The following FMN1 variants were observed in gnomAD, a reference collection of about 807,000 sequenced individuals.
FMN1 encodes the protein formin-1.
FMN1 carries 110 observed loss-of-function variants against 132.4 expected under a neutral mutation model. The observed-to-expected ratio is 0.83, with a 90% CI of 0.71 to 0.97. The LOEUF is 0.97. Ranked by LOEUF, FMN1 falls within the 50% of genes least tolerant of loss-of-function variation. The pLI, the probability that FMN1 is intolerant of heterozygous loss-of-function variation, is 0.00. For synonymous variants in FMN1, 722 were observed against 651.7 expected, an observed-to-expected ratio of 1.11 and a Z score of -1.64; for missense variants, 1,792 against 1,705.3, an observed-to-expected ratio of 1.05 and a Z score of -0.90.
At chr15:33,150,956 G>C (rs998357669) in intron 4 of FMN1, 1 of 1,057,208 alleles carries the variant, frequency 9.5e-7, no homozygotes. Flanking sequence ...CCTCTTCTGG[G>C]TTTAGGTGGG....
intron 4 of FMN1, among the ~76,000 whole-genome samples, chr15:33,110,070 A>T (rs1422227197): frequency 1.3e-5 from 2 of 152,070 alleles, no homozygotes; most frequent in Non-Finnish European, 2.9e-5. Context: ...TTGGAGAAAC[A>T]ATTTGGTAAT....
At chr15:33,009,180 G>A (rs556361387) in intron 6 of FMN1, among the ~76,000 whole-genome samples, 7 of 152,142 alleles carry the variant, frequency 4.6e-5, no homozygotes, top group African/African-American at 9.6e-5. Flanking sequence ...ATCATACCTC[G>A]AATGGTCTGG....
chr15:33,180,689 A>G (rs1286127921), intron 2 of FMN1, among the ~76,000 whole-genome samples: 1 of 149,850 alleles, frequency 6.7e-6, no homozygotes, highest in Non-Finnish European at 1.5e-5. Flanking sequence ...ATCTGGCCAC[A>G]TCGTGCCTCA....
chr15:32,899,839 A>G, intron 14 of FMN1, 140 bp downstream of exon 14: 2 of 880,662 alleles, frequency 2.3e-6, no homozygotes, highest in Non-Finnish European at 3.5e-6. Context: ...AAAGCAAACA[A>G]AAAAATGCAT....
intron 4 of FMN1, among the ~76,000 whole-genome samples, chr15:33,095,275 G>T (rs373917992): frequency 2.6e-5 from 4 of 152,154 alleles, no homozygotes; most frequent in African/African-American, 7.2e-5. Flanking sequence ...TTGAACCCGG[G>T]AGGCAGAGGT....
intron 6 of FMN1, among the ~76,000 whole-genome samples, chr15:33,009,923 G>A (rs866447542): frequency 1.1e-4 from 12 of 106,980 alleles, no homozygotes; most frequent in East Asian, 6.2e-4. Context: ...AGTTTCACTC[G>A]TTTCCCAGGC....
intron 6 of FMN1, among the ~76,000 whole-genome samples, chr15:33,030,896 A>G (rs2035905747): frequency 6.6e-6 from 1 of 152,110 alleles, no homozygotes; most frequent in East Asian, 1.9e-4. Flanking sequence ...ATAGGTATAC[A>G]CGTGCCATGG....
intron 9 of FMN1, among the ~76,000 whole-genome samples, chr15:32,947,719 G>A (rs549958895): frequency 3.3e-5 from 5 of 151,944 alleles, no homozygotes; most frequent in South Asian, 2.1e-4. Flanking sequence ...ACACTGACTC[G>A]ACCATATTTG....
chr15:33,003,595 T>C lies in FMN1; in HGVS notation c.2223+4419A>G, dbSNP rs150371157. ...TTCTATGCTCATGGGTAAGAATCAA[T>C]ATCGTGAAAATGGCCATACTGCCCA... is the stretch of plus-strand genomic sequence containing the variant. On this transcript the variant is annotated intron_variant, in intron 7 of 20. Transcript: ENST00000616417. Among the ~76,000 whole-genome samples the C allele has an allele frequency of 1.2e-3, 176 of 152,260 alleles. 1 individual carries two copies. In the South Asian group the frequency reaches 0.019, roughly 17 times the overall value.
intron 15 of FMN1, among the ~76,000 whole-genome samples, chr15:32,891,797 T>C (rs1031220019): frequency 6.6e-6 from 1 of 152,174 alleles, no homozygotes; most frequent in Admixed American, 6.5e-5. Context: ...CACATATATA[T>C]ATATGTATAT....
intron 9 of FMN1, among the ~76,000 whole-genome samples, chr15:32,951,143 A>C (rs1258732412): frequency 6.6e-6 from 1 of 152,186 alleles, no homozygotes; most frequent in African/African-American, 2.4e-5. Flanking sequence ...CATTACCAAA[A>C]TCGGTCATTC....
At chr15:32,907,928 G>C (rs928288562) in intron 12 of FMN1, among the ~76,000 whole-genome samples, 18 of 152,048 alleles carry the variant, frequency 1.2e-4, no homozygotes, top group Non-Finnish European at 2.4e-4. Context: ...GGTCTTCAAA[G>C]CCTATGGAAC....
intron 16 of FMN1, among the ~76,000 whole-genome samples, chr15:32,885,868 T>C (rs1378466595): frequency 1.3e-5 from 2 of 152,088 alleles, no homozygotes; most frequent in Admixed American, 1.3e-4. Flanking sequence ...CTTCTTGAAA[T>C]TTGCTAATCA....
intron 4 of FMN1, among the ~76,000 whole-genome samples, chr15:33,127,578 G>A (rs10519796): frequency 0.032 from 4,807 of 152,248 alleles, 248 homozygotes; most frequent in African/African-American, 0.11. Context: ...AAACCAGTCT[G>A]TAAGCATCCT....
intron 9 of FMN1, among the ~76,000 whole-genome samples, chr15:32,953,997 A>C (rs1378091016): frequency 6.6e-6 from 1 of 152,228 alleles, no homozygotes. Context: ...TCTGGAAAGC[A>C]TATTTGCAAA....
rs370274130 is a variant in FMN1 at position 33,012,352 on chromosome 15, G to A, written c.2162-4277C>T. On this transcript the variant is annotated intron_variant, in intron 6 of 20. Transcript: ENST00000616417. Reference sequence around the variant, plus strand: ...CAGCCATGAATGCAAGGCCACACAAGGTGGATGAAGAGTTGTGGAACCAAA... The same window carrying A: ...CAGCCATGAATGCAAGGCCACACAAAGTGGATGAAGAGTTGTGGAACCAAA... 3.9e-5 allele frequency: 34 copies of A among 868,862 alleles called. No homozygotes were observed. The East Asian group carries it at 8.0e-4, about 20-fold the overall frequency. The allele number at this position is 868,862 out of a possible 1,614,324, so 53.8% of individuals were successfully genotyped here. A position where few individuals can be genotyped will look rare whatever the true frequency, so the allele number is the denominator to read the frequency against.
chr15:32,917,503 T>C (rs2060712426), intron 10 of FMN1, among the ~76,000 whole-genome samples: 1 of 152,218 alleles, frequency 6.6e-6, no homozygotes, highest in African/African-American at 2.4e-5. Flanking sequence ...ACTTAATAAC[T>C]GATAGAATTT....
intron 10 of FMN1, among the ~76,000 whole-genome samples, chr15:32,923,433 G>A (rs902700866): frequency 2.6e-5 from 4 of 152,150 alleles, no homozygotes; most frequent in South Asian, 2.1e-4. Flanking sequence ...CAGTTATAGC[G>A]CCATATTCAT....
At chr15:33,010,543 GCTA>G (rs1198525726) in intron 6 of FMN1, among the ~76,000 whole-genome samples, 4 of 152,116 alleles carry the variant, frequency 2.6e-5, no homozygotes, top group East Asian at 3.9e-4. Flanking sequence ...AACAATACCT[GCTA>G]CTATTGTTGA....
Sources: allele counts gnomAD v4.1 joint callset (sites outside exome capture counted in the v4.1 genomes callset), GRCh38; gene constraint gnomAD v4.1.1; transcripts MANE v1.5; gene names NCBI Gene and HGNC (gene_info 2026-07-23, HGNC 2026-07-21).